The following EYS variants were observed in gnomAD, a reference collection of about 807,000 sequenced individuals.
EYS encodes EGF-like photoreceptor maintenance factor, also known as protein eyes shut homolog.
EYS carries 250 observed loss-of-function variants against 282.1 expected under a neutral mutation model. That is an observed-to-expected ratio of 0.89 (90% CI 0.80 to 0.98). EYS has a LOEUF of 0.98. Ranked by LOEUF, EYS falls within the 50% of genes least tolerant of loss-of-function variation. The pLI is 0.00. For synonymous variants in EYS, 1,355 were observed against 1,282.9 expected (o/e 1.06, Z -1.20); for missense variants, 4,016 against 3,709.0 (o/e 1.08, Z -2.15).
At chr6:65,114,163 A>T (rs939580434) in intron 12 of EYS, among the ~76,000 whole-genome samples, 1 of 152,042 alleles carries the variant, frequency 6.6e-6, no homozygotes, top group African/African-American at 2.4e-5. Context: ...ACTGGTATCA[A>T]AAAAGTTACT....
At chr6:63,875,695 C>G (rs916749973) in intron 35 of EYS, among the ~76,000 whole-genome samples, 1 of 152,102 alleles carries the variant, frequency 6.6e-6, no homozygotes, top group South Asian at 2.1e-4. Context: ...CTGGTTTAGT[C>G]TTGGGAGGGT....
At chr6:65,587,170 C>T (rs1426630739) in intron 2 of EYS, among the ~76,000 whole-genome samples, 1 of 152,046 alleles carries the variant, frequency 6.6e-6, no homozygotes, top group Non-Finnish European at 1.5e-5. Context: ...ACAATCCTTG[C>T]TGCCATGTAT....
intron 28 of EYS, among the ~76,000 whole-genome samples, chr6:64,408,478 C>T (rs146143074): frequency 2.6e-5 from 4 of 152,182 alleles, no homozygotes; most frequent in Admixed American, 6.5e-5. Context: ...AATCTGAATG[C>T]TTAAAGGAGG....
chr6:65,337,447 C>A lies in EYS; in HGVS notation c.1600-2301G>T, dbSNP rs959796213. Among the ~76,000 whole-genome samples the A allele has an allele frequency of 3.3e-5, 5 of 151,098 alleles. No individual in the cohort carries two copies. The Admixed American group carries it at 3.3e-4, about 10-fold the overall frequency. On this transcript the variant is annotated intron_variant, in intron 10 of 42. Coordinates refer to ENST00000503581, the MANE Select transcript of EYS (RefSeq NM_001142800.2). ...AAGGAGCACTTTTATAACTGGCTTA[C>A]AAATTTAATAAACACTCGTATAAGA...
intron 33 of EYS, among the ~76,000 whole-genome samples, chr6:64,018,473 A>G (rs1157540550): frequency 6.6e-6 from 1 of 152,148 alleles, no homozygotes; most frequent in African/African-American, 2.4e-5. Context: ...GTAAGAATAA[A>G]CTAATACTCA....
In EYS at chr6:63,864,323, A is replaced by G; in HGVS notation, c.7091T>C (p.Leu2364Pro). ...NENLFCECPR[L>P]YSGKLCQFAS... The stretch of plus-strand genomic sequence containing the variant: ...AAACTGGCACAGCTTGCCTGAATAC[A>G]GCCTTGGACACTCACAAAACAGATT... Residue 2364 changes from leucine to proline, a missense_variant, in exon 36 of 43, where the codon CTG becomes CCG. By Grantham distance (98) the Leu-to-Pro change is moderately conservative. Coordinates refer to ENST00000503581, the MANE Select transcript of EYS (RefSeq NM_001142800.2). 1 of 1,551,544 alleles carries G rather than the reference A, an allele frequency of 6.4e-7. No individual in the cohort carries two copies. Among genetic ancestry groups the G allele is most frequent in the Non-Finnish European group, 8.7e-7 (1 of 1,146,822 alleles).
intron 15 of EYS, among the ~76,000 whole-genome samples, chr6:64,917,226 G>A (rs1768193421): frequency 6.7e-6 from 1 of 148,602 alleles, no homozygotes. Flanking sequence ...TCCAGCCTGG[G>A]TGACAGAGCG....
chr6:65,662,129 T>TA (rs879752675), intron 1 of EYS, among the ~76,000 whole-genome samples: 75 of 150,308 alleles, frequency 5.0e-4, no homozygotes, highest in African/African-American at 1.4e-3. Context: ...AGGTTAAGGA[T>TA]AAAAAAAAAG....
chr6:64,038,109 A>G (rs1297006281), intron 33 of EYS, among the ~76,000 whole-genome samples: 4 of 151,830 alleles, frequency 2.6e-5, no homozygotes, highest in Non-Finnish European at 5.9e-5. Context: ...AAAGAATAGA[A>G]TGGTGGTTAC....
chr6:64,653,017 C>T (rs1267842959), intron 22 of EYS, among the ~76,000 whole-genome samples: 1 of 152,120 alleles, frequency 6.6e-6, no homozygotes, highest in Non-Finnish European at 1.5e-5. Flanking sequence ...CCGTATGTAA[C>T]GTTATTTAGA....
Position 65,364,260 on chromosome 6 carries a change from A to AT in EYS, c.1300-10644dup, listed in dbSNP as rs900686370. On this transcript the variant is annotated intron_variant, in intron 8 of 42. Transcript: ENST00000503581. ...AATCAACTAAATGTTTTTTTTTTCAATTTTTTTTCAATTTATGGTAGAACA... is the reference window on the plus strand; with the variant it reads ...AATCAACTAAATGTTTTTTTTTTCAATTTTTTTTTCAATTTATGGTAGAACA... 1.4e-3 allele frequency among the ~76,000 whole-genome samples: 204 copies of AT among 145,884 alleles called. 2 individuals are homozygous for AT. The highest frequency in any genetic ancestry group is 2.9e-3 in the Admixed American group (41 of 14,152).
chr6:63,915,017 C>T (rs1054248316), intron 35 of EYS, among the ~76,000 whole-genome samples: 2 of 152,134 alleles, frequency 1.3e-5, no homozygotes, highest in African/African-American at 4.8e-5. Flanking sequence ...GAAAATCTAG[C>T]TAATATTATT....
At chr6:63,838,068 A>C (rs1425396921) in intron 36 of EYS, among the ~76,000 whole-genome samples, 1 of 152,156 alleles carries the variant, frequency 6.6e-6, no homozygotes, top group Non-Finnish European at 1.5e-5. Context: ...AAATAGATTG[A>C]TAGGAAGTGG....
At chr6:65,510,610 T>C (rs1766832605) in intron 2 of EYS, among the ~76,000 whole-genome samples, 1 of 152,194 alleles carries the variant, frequency 6.6e-6, no homozygotes, top group Non-Finnish European at 1.5e-5. Context: ...TCCAGTTTTT[T>C]TGATGTAAAA....
chr6:65,135,810 G>A (rs1329803144), intron 12 of EYS, among the ~76,000 whole-genome samples: 2 of 151,952 alleles, frequency 1.3e-5, no homozygotes, highest in Admixed American at 6.6e-5. Context: ...ATAGCTCTCT[G>A]TGATGCTTAC....
chr6:64,398,189 T>A (rs760134093), intron 28 of EYS, among the ~76,000 whole-genome samples: 2 of 151,944 alleles, frequency 1.3e-5, no homozygotes, highest in African/African-American at 4.8e-5. Flanking sequence ...CCTACATTGA[T>A]ATTATTTACA....
At chr6:63,870,343 A>T (rs1390743101) in intron 35 of EYS, among the ~76,000 whole-genome samples, 2 of 152,220 alleles carry the variant, frequency 1.3e-5, no homozygotes, top group Non-Finnish European at 2.9e-5. Flanking sequence ...TCAGGAAGGT[A>T]GAAACACAGC....
At chr6:64,533,131 T>G (rs1323522041) in intron 26 of EYS, among the ~76,000 whole-genome samples, 1 of 152,164 alleles carries the variant, frequency 6.6e-6, no homozygotes, top group African/African-American at 2.4e-5. Flanking sequence ...GATAAGTGAA[T>G]CTGAAGGCTT....
intron 31 of EYS, among the ~76,000 whole-genome samples, chr6:64,221,632 C>T (rs1175021476): frequency 6.6e-6 from 1 of 152,092 alleles, no homozygotes; most frequent in Non-Finnish European, 1.5e-5. Flanking sequence ...TTCAGTTACT[C>T]CATGGGCAAA....
Sources: allele counts gnomAD v4.1 joint callset (sites outside exome capture counted in the v4.1 genomes callset), GRCh38; gene constraint gnomAD v4.1.1; transcripts MANE v1.5; gene names NCBI Gene and HGNC (gene_info 2026-07-23, HGNC 2026-07-21).